Variants in SEMA5B observed in about 807,000 individuals in gnomAD.
SEMA5B encodes the protein semaphorin 5B.
In SEMA5B, 66 loss-of-function variants were observed where a neutral mutation model predicts 135.0. That is an observed-to-expected ratio of 0.49 (90% CI 0.40 to 0.60). SEMA5B has a LOEUF of 0.60. Among genes scored for constraint, SEMA5B ranks in the 20% least tolerant of loss-of-function variants. The pLI, the probability that SEMA5B is intolerant of heterozygous loss-of-function variation, is 0.00. For missense variants in SEMA5B, 1,501 were observed against 1,566.3 expected (o/e 0.96, Z 0.70); for synonymous variants, 690 against 639.5 (o/e 1.08, Z -1.19).
intron 1 of SEMA5B, among the ~76,000 whole-genome samples, chr3:122,996,554 C>T (rs964161449): frequency 1.3e-5 from 2 of 152,188 alleles, no homozygotes; most frequent in Non-Finnish European, 2.9e-5. Flanking sequence ...GGGCTGGGCC[C>T]ACATGGACTG....
chr3:122,917,663 G>T (rs181803538), intron 12 of SEMA5B, among the ~76,000 whole-genome samples: 1 of 152,282 alleles, frequency 6.6e-6, no homozygotes, highest in East Asian at 1.9e-4. Flanking sequence ...TGGCCAACCC[G>T]CAGCCTCATA....
At chr3:122,994,238 G>A (rs372579102) in intron 1 of SEMA5B, among the ~76,000 whole-genome samples, 31 of 152,192 alleles carry the variant, frequency 2.0e-4, no homozygotes, top group African/African-American at 7.5e-4. Context: ...ACTGCAGAGA[G>A]TATAGTGGGG....
chr3:122,932,092 G>A (rs1413702135), intron 5 of SEMA5B, among the ~76,000 whole-genome samples: 1 of 152,084 alleles, frequency 6.6e-6, no homozygotes, highest in Non-Finnish European at 1.5e-5. Flanking sequence ...TGAAATATTC[G>A]TATTCTGATA....
At chr3:122,941,874 T>C (rs1423127493) in intron 4 of SEMA5B, among the ~76,000 whole-genome samples, 1 of 152,234 alleles carries the variant, frequency 6.6e-6, no homozygotes, top group Non-Finnish European at 1.5e-5. Flanking sequence ...ATCTCTATTA[T>C]TTCTTACAAC....
At position 122,928,661 on chromosome 3, in the gene SEMA5B, G is replaced by C. The variant is rs370808032; in HGVS notation, c.538-46C>G. 2.3e-5 allele frequency: 31 copies of C among 1,363,078 alleles called. No individual in the cohort carries two copies. In the South Asian group the frequency reaches 3.7e-4, roughly 16 times the overall value. 84.4% of individuals were successfully genotyped at this position (1,363,078 alleles called of 1,614,324 possible). ...GCAGACAGCACAGCTCTCCAGGTGC[G>C]ATGCTGGATATCTCACGCTCACACC... On this transcript the variant is annotated intron_variant, in intron 6 of 22. Transcript: ENST00000357599.
Position 122,921,977 on chromosome 3 carries a change from C to T in SEMA5B, c.1626G>A (p.Val542=). ...CCCGCAGGACGCCGTCTCTCAGCCC[C>T]ACGAAGAGCGCGCGGGCGCTGTGCA... ...RILHSARALF[V]GLRDGVLRVP... Residue 542 remains valine, a synonymous_variant, in exon 12 of 23, where the codon GTG becomes GTA. Coordinates refer to ENST00000357599, the MANE Select transcript of SEMA5B (RefSeq NM_001031702.4). The T allele has an allele frequency of 6.5e-7, 1 of 1,535,756 alleles. No individual in the cohort carries two copies. Among genetic ancestry groups the T allele is most frequent in the Middle Eastern group, 2.0e-4 (1 of 5,008 alleles).
chr3:122,953,113 C>A lies in SEMA5B; in HGVS notation c.125-4404G>T, dbSNP rs1940131491. Among the ~76,000 whole-genome samples, 3 of 152,198 alleles carry A rather than the reference C, an allele frequency of 2.0e-5. No homozygotes were observed. The South Asian group carries it at 6.2e-4, about 31-fold the overall frequency. ...AACACCTCATTAGGGATACTCAATG[C>A]ATATGCAAATAACAGCTTTTTAGCC... On this transcript the variant is annotated intron_variant, in intron 2 of 22. Transcript: ENST00000357599.
chr3:122,938,504 G>C (rs1448231566), intron 5 of SEMA5B, among the ~76,000 whole-genome samples: 1 of 152,168 alleles, frequency 6.6e-6, no homozygotes, highest in South Asian at 2.1e-4. Flanking sequence ...AGCTCCCCAA[G>C]AAGGTCTCCC....
intron 1 of SEMA5B, among the ~76,000 whole-genome samples, chr3:122,968,171 G>A (rs60776642): frequency 0.11 from 16,821 of 152,290 alleles, 1,723 homozygotes; most frequent in East Asian, 0.31. Flanking sequence ...GGATGGTTTA[G>A]GCTCAGAGAC....
rs1938385755 is a variant in SEMA5B, at chr3:122,922,122, T to A, written c.1481A>T (p.Glu494Val). ...TLYHVLYIGT[E>V]SGTILKALST... is the part of the protein sequence containing the mutation. Reference sequence around the variant, plus strand: ...CAGCGCCTTCAGGATGGTGCCCGACTCTGGAGGAGAGGGGGAGCCAGACCA... The same window carrying A: ...CAGCGCCTTCAGGATGGTGCCCGACACTGGAGGAGAGGGGGAGCCAGACCA... Residue 494 changes from glutamate to valine, a missense_variant and splice_region_variant, in exon 12 of 23, where the codon GAG becomes GTG. Coordinates refer to ENST00000357599, the MANE Select transcript of SEMA5B (RefSeq NM_001031702.4). 6.6e-7 allele frequency: 1 copy of A among 1,516,908 alleles called. No individual in the cohort carries two copies. The highest frequency in any genetic ancestry group is 1.3e-5 in the South Asian group (1 of 77,282). 94.0% of individuals were successfully genotyped at this position (1,516,908 alleles called of 1,614,324 possible).
intron 1 of SEMA5B, among the ~76,000 whole-genome samples, chr3:123,024,933 C>T (rs1942765332): frequency 6.6e-6 from 1 of 152,212 alleles, no homozygotes; most frequent in Admixed American, 6.5e-5. Flanking sequence ...CTGTGACCTG[C>T]CTGCCCTCTG....
chr3:122,965,529 A>G (rs998814472), intron 1 of SEMA5B, among the ~76,000 whole-genome samples: 3 of 152,244 alleles, frequency 2.0e-5, no homozygotes, highest in Non-Finnish European at 4.4e-5. Flanking sequence ...TGTTTTAACC[A>G]TAAGACAAGA....
chr3:122,948,419 C>T lies in SEMA5B; in HGVS notation c.328+87G>A, dbSNP rs373060277. ...TAATGAACATCCCAAGGACATCCAA[C>T]AGCCAGAAACATCCTGCCAAGGTCT... On this transcript the variant is annotated intron_variant, in intron 3 of 22. Transcript: ENST00000357599. 1.1e-5 allele frequency: 13 copies of T among 1,180,290 alleles called. 1 individual carries two copies. The African/African-American group carries it at 1.5e-4, about 14-fold the overall frequency. The allele number at this position is 1,180,290 out of a possible 1,614,324, so 73.1% of individuals were successfully genotyped here. A position where few individuals can be genotyped will look rare whatever the true frequency, so the allele number is the denominator to read the frequency against.
At chr3:122,963,553 A>G (rs1036855568) in intron 1 of SEMA5B, among the ~76,000 whole-genome samples, 16 of 152,178 alleles carry the variant, frequency 1.1e-4, no homozygotes, top group African/African-American at 3.9e-4. Flanking sequence ...TAAGTGGCTG[A>G]TTTTATTCTA....
At chr3:123,005,313 C>G (rs1255768985) in intron 1 of SEMA5B, among the ~76,000 whole-genome samples, 3 of 152,094 alleles carry the variant, frequency 2.0e-5, no homozygotes, top group African/African-American at 7.2e-5. Context: ...TTGTAATTGA[C>G]TCCCCACCCC....
At chr3:122,929,306 G>A (rs1188914627) in intron 5 of SEMA5B, among the ~76,000 whole-genome samples, 1 of 152,174 alleles carries the variant, frequency 6.6e-6, no homozygotes, top group African/African-American at 2.4e-5. Flanking sequence ...TGTGTCAGAG[G>A]AGGCCTGGAG....
chr3:122,944,626 A>G (rs1576355029), intron 3 of SEMA5B, among the ~76,000 whole-genome samples: 1 of 152,194 alleles, frequency 6.6e-6, no homozygotes, highest in African/African-American at 2.4e-5. Flanking sequence ...CCTGCCTCCA[A>G]GGAAGGTTGT....
intron 1 of SEMA5B, among the ~76,000 whole-genome samples, chr3:122,968,462 G>A (rs1049025258): frequency 5.9e-5 from 9 of 152,198 alleles, no homozygotes; most frequent in Non-Finnish European, 7.3e-5. Context: ...ACCTAGTAGC[G>A]GGATAGGATG....
rs555501771 is a variant in SEMA5B at position 122,932,513 on chromosome 3, C to T, written c.475-3455G>A. 2.6e-5 allele frequency among the ~76,000 whole-genome samples: 4 copies of T among 152,164 alleles called. No individual in the cohort carries two copies. In the South Asian group the frequency reaches 8.3e-4, roughly 32 times the overall value. ...AAAGAAATATCCCTATCATATCTCG[C>T]TGGGCAAAGGTCCAAGGAACACTAT... On this transcript the variant is annotated intron_variant, in intron 5 of 22. Transcript: ENST00000357599.
Sources: allele counts gnomAD v4.1 joint callset (sites outside exome capture counted in the v4.1 genomes callset), GRCh38; gene constraint gnomAD v4.1.1; transcripts MANE v1.5; gene names NCBI Gene and HGNC (gene_info 2026-07-23, HGNC 2026-07-21).